The following PXN variants were observed in gnomAD, a reference collection of about 807,000 sequenced individuals.
PXN encodes the protein testicular tissue protein Li 134.
Under a neutral mutation model 103.6 loss-of-function variants are expected in PXN, and 61 were observed. That is an observed-to-expected ratio of 0.59 (90% CI 0.48 to 0.73). The LOEUF is 0.73. PXN is among the 30% of genes least tolerant of loss of function. PXN has a pLI of 0.00. For missense variants in PXN, 1,274 were observed against 1,460.3 expected, an observed-to-expected ratio of 0.87 and a Z score of 2.08; for synonymous variants, 562 against 607.8, an observed-to-expected ratio of 0.92 and a Z score of 1.11.
chr12:120,219,611 G>A lies in PXN; in HGVS notation c.1312C>T (p.Pro438Ser), dbSNP rs867365931. 10 of 1,566,954 alleles carry A rather than the reference G, an allele frequency of 6.4e-6. No homozygotes were observed. Among genetic ancestry groups the A allele is most frequent in the Non-Finnish European group, 8.6e-6 (10 of 1,164,212 alleles). Reference protein sequence around the residue: ...EEALAATWEQPWASEVFGPER... With the variant: ...EEALAATWEQSWASEVFGPER... ...GGCCCGAATACCTCCGAAGCCCATGGCTGCTCCCATGTGGCAGCCAAGGCC... is the reference window on the plus strand; with the variant it reads ...GGCCCGAATACCTCCGAAGCCCATGACTGCTCCCATGTGGCAGCCAAGGCC... The change falls in exon 7 of 15, where the codon CCA (proline) becomes TCA (serine). Residue 438 changes from proline (P) to serine (S), a missense_variant. Physicochemically the swap from Pro to Ser is moderately conservative, Grantham distance 74 (BLOSUM62 -1). Coordinates refer to ENST00000637617, the MANE Select transcript of PXN (RefSeq NM_001385981.1). The surrounding 1 kb of genome is among the most constrained non-coding windows in gnomAD (Gnocchi z 6.5).
chr12:120,223,952 C>A, intron 2 of PXN, 119 bp from the exon 3 acceptor site: 1 of 901,074 alleles, frequency 1.1e-6, no homozygotes, highest in Non-Finnish European at 1.7e-6. Flanking sequence ...CAGGGAATTT[C>A]CACAGTTGGG....
chr12:120,226,541 C>G lies in PXN; in HGVS notation c.14-2164G>C, dbSNP rs1374029559. 6 of 1,224,828 alleles carry G rather than the reference C, an allele frequency of 4.9e-6. No homozygotes were observed. In the African/African-American group the frequency reaches 9.4e-5, roughly 19 times the overall value. 75.9% of individuals were successfully genotyped at this position (1,224,828 alleles called of 1,614,324 possible). A position where few individuals can be genotyped will look rare whatever the true frequency, so the allele number is the denominator to read the frequency against. On this transcript the variant is annotated intron_variant, in intron 1 of 14. Transcript: ENST00000637617. The stretch of plus-strand genomic sequence containing the variant: ...GGCTTCCTTGTCAAACATTTTGAAT[C>G]AGGGACTCCACCAAACACCCGCTCC...
At position 120,219,913 on chromosome 12, in the gene PXN, C is replaced by G. The variant is rs770577349; in HGVS notation, c.1010G>C (p.Gly337Ala). 1 of 1,598,170 alleles carries G rather than the reference C, an allele frequency of 6.3e-7. No individual in the cohort carries two copies. The highest frequency in any genetic ancestry group is 8.5e-7 in the Non-Finnish European group (1 of 1,179,538). ...TPEFPCTEQS[G>A]RGLLPPVAPS... ...GGCTACAGGAGGTAGAAGGCCTCGT[C>G]CACTCTGCTCAGTACAAGGGAACTC... Residue 337 changes from glycine (G) to alanine (A), a missense_variant, in exon 7 of 15, where the codon GGA becomes GCA. By Grantham distance (60) the Gly-to-Ala change is moderately conservative. Coordinates refer to ENST00000637617, the MANE Select transcript of PXN (RefSeq NM_001385981.1). The surrounding 1 kb of genome is among the most constrained non-coding windows in gnomAD (Gnocchi z 6.5).
At chr12:120,259,749 A>G (rs1403976696) in intron 1 of PXN, among the ~76,000 whole-genome samples, 1 of 152,176 alleles carries the variant, frequency 6.6e-6, no homozygotes, top group Non-Finnish European at 1.5e-5. Context: ...CCAGACTGCA[A>G]AAGGCAGAGT....
At position 120,215,876 on chromosome 12, in the gene PXN, A is replaced by G; in HGVS notation, c.2302-215T>C. ...AGAAGGACAGGGAGGGGAGTCGACC[A>G]AAGGCAGAGGAAATGGCAAGGGGAG... is the stretch of plus-strand genomic sequence containing the variant. On this transcript the variant is annotated intron_variant, in intron 9 of 14. Coordinates refer to ENST00000637617, the MANE Select transcript of PXN (RefSeq NM_001385981.1). The surrounding 1 kb of genome is among the most constrained non-coding windows in gnomAD (Gnocchi z 4.9). 7.4e-7 allele frequency: 1 copy of G among 1,347,804 alleles called. No individual in the cohort carries two copies. Among genetic ancestry groups the G allele is most frequent in the Non-Finnish European group, 9.7e-7 (1 of 1,034,576 alleles). The allele number at this position is 1,347,804 out of a possible 1,614,324, so 83.5% of individuals were successfully genotyped here.
At chr12:120,255,290 TG>T (rs1386749088) in intron 1 of PXN, among the ~76,000 whole-genome samples, 1 of 152,112 alleles carries the variant, frequency 6.6e-6, no homozygotes, top group Non-Finnish European at 1.5e-5. Flanking sequence ...GGAGGGTCTC[TG>T]GAGAAGCAAG....
At chr12:120,234,014 CA>C (rs1888562005) in intron 1 of PXN, among the ~76,000 whole-genome samples, 1 of 152,148 alleles carries the variant, frequency 6.6e-6, no homozygotes, top group Non-Finnish European at 1.5e-5. Context: ...CAAATGTACT[CA>C]GGGGCAAGAA....
rs1436464864 is a variant in PXN at position 120,215,556 on chromosome 12, T to C, written c.2403+4A>G. On this transcript the variant is annotated splice_donor_region_variant and intron_variant, in intron 10 of 14. Transcript: ENST00000637617. The surrounding 1 kb of genome is among the most constrained non-coding windows in gnomAD (Gnocchi z 4.9). ...AGGACACCCAGCCCAGCCTTGGCAC[T>C]GACCCCTCCCTCGTCCTGCCCTCCG... The C allele has an allele frequency of 8.2e-6, 13 of 1,582,244 alleles. No individual in the cohort carries two copies. The highest frequency in any genetic ancestry group is 1.1e-5 in the Non-Finnish European group (13 of 1,165,452).
chr12:120,223,128 G>A (rs978230022), intron 3 of PXN, 129 bp from the exon 4 acceptor site: 8 of 1,469,674 alleles, frequency 5.4e-6, no homozygotes, highest in Admixed American at 3.9e-5. Flanking sequence ...GAGGACAGAG[G>A]GTAGGGAAGG....
Position 120,216,069 on chromosome 12 carries a change from A to T in PXN, c.2301+204T>A. The stretch of plus-strand genomic sequence containing the variant: ...AGCAGACATGGGTGGACCCACAGAA[A>T]AGCAAGAGGGCAGCGGACCTTCTGA... On this transcript the variant is annotated intron_variant, in intron 9 of 14. Transcript: ENST00000637617. This position sits in a 1 kb window ranked among gnomAD's most constrained non-coding sequence, Gnocchi z 5.1. 7.6e-7 allele frequency: 1 copy of T among 1,309,964 alleles called. No individual in the cohort carries two copies. The highest frequency in any genetic ancestry group is 2.9e-5 in the East Asian group (1 of 34,432). 81.1% of individuals were successfully genotyped at this position (1,309,964 alleles called of 1,614,324 possible). A position where few individuals can be genotyped will look rare whatever the true frequency, so the allele number is the denominator to read the frequency against.
chr12:120,220,857 A>G lies in PXN; in HGVS notation c.831+766T>C, dbSNP rs1312110114. Among the ~76,000 whole-genome samples, 8 of 152,172 alleles carry G rather than the reference A, an allele frequency of 5.3e-5. No homozygotes were observed. In the East Asian group the frequency reaches 1.5e-3, roughly 29 times the overall value. On this transcript the variant is annotated intron_variant, in intron 6 of 14. Coordinates refer to ENST00000637617, the MANE Select transcript of PXN (RefSeq NM_001385981.1). This position sits in a 1 kb window ranked among gnomAD's most constrained non-coding sequence, Gnocchi z 6.1. ...TGCAGGGACCGTTCACTCCCCTCTC[A>G]TATTCCCTAGGTCATGCCCCAAAGG...
chr12:120,216,465 G>C lies in PXN; in HGVS notation c.2109C>G (p.Pro703=). 8 of 1,385,736 alleles carry C rather than the reference G, an allele frequency of 5.8e-6. No individual in the cohort carries two copies. Among genetic ancestry groups the C allele is most frequent in the Non-Finnish European group, 7.4e-6 (8 of 1,079,404 alleles). The allele number at this position is 1,385,736 out of a possible 1,614,324, so 85.8% of individuals were successfully genotyped here. A position where few individuals can be genotyped will look rare whatever the true frequency, so the allele number is the denominator to read the frequency against. ...RTDAAASSSS[P]LPSLLASSPL... ...GGGAGGAGGCGAGCAGGCTGGGCAG[G>C]GGAGAAGAGCTGCTGGCCGCGGCGT... Residue 703 remains proline, a synonymous_variant, in exon 9 of 15, where the codon CCC becomes CCG. Transcript: ENST00000637617. The surrounding 1 kb of genome is among the most constrained non-coding windows in gnomAD (Gnocchi z 5.1).
intron 1 of PXN, among the ~76,000 whole-genome samples, chr12:120,242,881 T>TA (rs63089761): frequency 1.1e-3 from 141 of 132,886 alleles, no homozygotes; most frequent in South Asian, 2.5e-3. Flanking sequence ...ACTCGGGCTT[T>TA]AAAAAAAAAA....
Position 120,261,337 on chromosome 12 carries a change from C to G in PXN, c.13+4280G>C, listed in dbSNP as rs142242980. On this transcript the variant is annotated intron_variant, in intron 1 of 14. Transcript: ENST00000637617. ...TCCTGAGTAGCTGAGACTACAGGCACGCGCCACCACGCCCAGCTAATTTTT... is the reference window on the plus strand; with the variant it reads ...TCCTGAGTAGCTGAGACTACAGGCAGGCGCCACCACGCCCAGCTAATTTTT... Among the ~76,000 whole-genome samples the G allele has an allele frequency of 8.4e-3, 1,281 of 152,172 alleles. 19 individuals carry two copies. The highest frequency in any genetic ancestry group is 0.027 in the African/African-American group (1,112 of 41,506).
intron 1 of PXN, among the ~76,000 whole-genome samples, chr12:120,257,089 C>A (rs1397069340): frequency 6.6e-6 from 1 of 152,128 alleles, no homozygotes; most frequent in Non-Finnish European, 1.5e-5. Context: ...TACACACAGA[C>A]CGGGATCCAG....
chr12:120,242,651 A>C (rs1890354315), intron 1 of PXN, among the ~76,000 whole-genome samples: 1 of 151,954 alleles, frequency 6.6e-6, no homozygotes, highest in South Asian at 2.1e-4. Flanking sequence ...TTTGCGAGGC[A>C]GAGGCGGGCA....
intron 1 of PXN, among the ~76,000 whole-genome samples, chr12:120,239,737 C>A (rs942109718): frequency 6.6e-6 from 1 of 151,918 alleles, no homozygotes; most frequent in Non-Finnish European, 1.5e-5. Flanking sequence ...GGTGACAGAG[C>A]GAGACTCTGT....
In PXN at chr12:120,215,712, AAG is replaced by A. The variant is rs1882679458; in HGVS notation, c.2302-53_2302-52del. ...AAGAAATCTTTTTTAAAAATTAAGA[AAG>A]AATACAAGACCTTGTCACTGGACTA... On this transcript the variant is annotated intron_variant, in intron 9 of 14. Coordinates refer to ENST00000637617, the MANE Select transcript of PXN (RefSeq NM_001385981.1). This position sits in a 1 kb window ranked among gnomAD's most constrained non-coding sequence, Gnocchi z 4.9. The A allele has an allele frequency of 6.5e-7, 1 of 1,539,648 alleles. No homozygotes were observed. The highest frequency in any genetic ancestry group is 2.0e-5 in the Admixed American group (1 of 50,036).
intron 1 of PXN, among the ~76,000 whole-genome samples, chr12:120,240,331 G>A (rs1049224851): frequency 6.6e-6 from 1 of 152,136 alleles, no homozygotes; most frequent in African/African-American, 2.4e-5. Context: ...TGCCCCACCA[G>A]AGCAAGTGCA....
Sources: gnomAD v4.1 joint callset for allele counts (sites outside exome capture counted in the v4.1 genomes callset) on GRCh38, gnomAD v4.1.1 for gene constraint, Gnocchi (gnomAD v3.1) non-coding constraint, MANE v1.5 for transcripts, NCBI Gene and HGNC (gene_info 2026-07-23, HGNC 2026-07-21) for gene names.